PCDHA3: variants seen among roughly 807,000 people sequenced by gnomAD.
The protein encoded by PCDHA3 is protocadherin alpha-3.
Under a neutral mutation model 62.2 loss-of-function variants are expected in PCDHA3, and 41 were observed. The ratio of observed to expected loss-of-function variants is 0.66; its 90% confidence interval spans 0.51 to 0.86. The LOEUF is 0.86. Ranked by LOEUF, PCDHA3 falls within the 40% of genes least tolerant of loss-of-function variation. The pLI is 0.00. For missense variants in PCDHA3, 1,304 were observed against 1,241.2 expected (o/e 1.05, Z -0.76); for synonymous variants, 640 against 555.4 (o/e 1.15, Z -2.14).
At chr5:140,808,116 T>C in intron 1 of PCDHA3, 1 of 1,614,092 alleles carries the variant, frequency 6.2e-7, no homozygotes, top group African/African-American at 1.3e-5. Context: ...TATATTGACT[T>C]TGAAGAAAGC....
intron 1 of PCDHA3, chr5:140,835,978 A>G (rs1490395920): frequency 6.2e-7 from 1 of 1,613,260 alleles, no homozygotes; most frequent in African/African-American, 1.3e-5. Context: ...GAGCTGTTGC[A>G]GTTCCAGGTG....
intron 1 of PCDHA3, among the ~76,000 whole-genome samples, chr5:140,880,559 G>A (rs929072104): frequency 2.0e-5 from 3 of 152,224 alleles, no homozygotes; most frequent in Non-Finnish European, 4.4e-5. Context: ...TGGAAATGAG[G>A]TTGAGAATTT....
At chr5:140,827,212 TAAAGG>T (rs2150084173) in intron 1 of PCDHA3, among the ~76,000 whole-genome samples, 1 of 152,096 alleles carries the variant, frequency 6.6e-6, no homozygotes, top group Admixed American at 6.5e-5. Flanking sequence ...TGAGAACAAT[TAAAGG>T]AAAGGATATG....
chr5:140,883,227 T>C (rs1367769120), intron 1 of PCDHA3: 2 of 1,613,830 alleles, frequency 1.2e-6, no homozygotes, highest in African/African-American at 2.7e-5. Flanking sequence ...GAAATATCCG[T>C]GGAGGCAGTT....
intron 1 of PCDHA3, chr5:140,857,719 G>A (rs781995177): frequency 6.3e-7 from 1 of 1,597,526 alleles, no homozygotes. Flanking sequence ...TGCTGGACGA[G>A]AACGACAACG....
At chr5:140,873,791 G>A (rs1330097708) in intron 1 of PCDHA3, among the ~76,000 whole-genome samples, 1 of 152,152 alleles carries the variant, frequency 6.6e-6, no homozygotes, top group Non-Finnish European at 1.5e-5. Flanking sequence ...TTTCCGAGAA[G>A]CTGGGACTAC....
At chr5:140,893,768 CT>C (rs1171880038) in intron 1 of PCDHA3, among the ~76,000 whole-genome samples, 1 of 152,132 alleles carries the variant, frequency 6.6e-6, no homozygotes, top group Non-Finnish European at 1.5e-5. Flanking sequence ...TGACTTGTCA[CT>C]TTTCTTTTAC....
intron 1 of PCDHA3, among the ~76,000 whole-genome samples, chr5:140,907,888 C>G (rs1441879791): frequency 6.6e-6 from 1 of 152,234 alleles, no homozygotes; most frequent in Non-Finnish European, 1.5e-5. Flanking sequence ...ACATGGGATA[C>G]AAATATCTTC....
chr5:140,841,603 G>A (rs2150319062), intron 1 of PCDHA3: 34 of 1,614,038 alleles, frequency 2.1e-5, no homozygotes, highest in East Asian at 1.1e-4. Flanking sequence ...ACCGCGAGGA[G>A]CTGTGCGGGC....
At chr5:140,967,236 T>C (rs142898054) in intron 1 of PCDHA3, 53 of 1,613,562 alleles carry the variant, frequency 3.3e-5, no homozygotes, top group Non-Finnish European at 4.2e-5. Context: ...CAGCTTCAGG[T>C]AAGCGAATCG....
At chr5:140,840,854 C>T (rs2150309759) in intron 1 of PCDHA3, among the ~76,000 whole-genome samples, 10 of 151,908 alleles carry the variant, frequency 6.6e-5, no homozygotes, top group Admixed American at 2.6e-4. Flanking sequence ...TTCTTCCACA[C>T]GAAACTATGG....
chr5:140,967,955 A>C (rs1422637534), intron 1 of PCDHA3: 5 of 1,614,078 alleles, frequency 3.1e-6, no homozygotes, highest in Non-Finnish European at 4.2e-6. Flanking sequence ...CTCAGGCCCC[A>C]ACCGGAAAGT....
chr5:140,801,203 G>C lies in PCDHA3; in HGVS notation c.6G>C (p.Leu2Phe). Residue 2 changes from leucine (L) to phenylalanine (F), a missense_variant, in exon 1 of 4, where the codon TTG (leucine) becomes TTC (phenylalanine). Transcript: ENST00000522353. ...ATATTTGGAAAATACTTGCAATGTT[G>C]TTCTCCTGGCGAGAAGATCCTGGAG... is the stretch of plus-strand genomic sequence containing the variant. M[L>F]FSWREDPGAQ... 1 of 1,599,228 alleles carries C rather than the reference G, an allele frequency of 6.3e-7. No individual in the cohort carries two copies. The highest frequency in any genetic ancestry group is 1.1e-5 in the South Asian group (1 of 89,500).
intron 1 of PCDHA3, chr5:140,814,455 T>C (rs1190395244): frequency 1.3e-5 from 2 of 152,018 alleles, no homozygotes; most frequent in Admixed American, 6.6e-5. Context: ...TTTTCTTTTT[T>C]TTTTTTGAGT....
intron 1 of PCDHA3, chr5:140,821,766 C>G (rs1424332975): frequency 3.8e-6 from 6 of 1,592,294 alleles, no homozygotes; most frequent in Admixed American, 3.5e-5. Flanking sequence ...ATAATTGGAA[C>G]GAGATTGAGA....
intron 1 of PCDHA3, chr5:140,822,338 C>T (rs1440067593): frequency 1.9e-6 from 3 of 1,613,934 alleles, no homozygotes; most frequent in African/African-American, 1.3e-5. Flanking sequence ...GAAGAAGAAA[C>T]GAACTTTTTA....
At chr5:140,838,065 T>TTATA (rs144773480) in intron 1 of PCDHA3, among the ~76,000 whole-genome samples, 2 of 113,460 alleles carry the variant, frequency 1.8e-5, no homozygotes, top group Admixed American at 1.8e-4. Context: ...CCACTTTAAG[T>TTATA]TATATATATA....
chr5:140,927,349 G>A (rs782650880), intron 1 of PCDHA3: 3 of 1,614,016 alleles, frequency 1.9e-6, no homozygotes, highest in Admixed American at 1.7e-5. Context: ...AGATGACGAC[G>A]AGGGAAGCAA....
intron 1 of PCDHA3, among the ~76,000 whole-genome samples, chr5:140,972,662 T>A (rs1188844189): frequency 1.5e-4 from 8 of 54,766 alleles, no homozygotes; most frequent in African/African-American, 8.1e-4. Context: ...GAAACCAAAT[T>A]TTTTTTTTTT....
Sources: allele counts gnomAD v4.1 joint callset (sites outside exome capture counted in the v4.1 genomes callset), GRCh38; gene constraint gnomAD v4.1.1; transcripts MANE v1.5; gene names NCBI Gene and HGNC (gene_info 2026-07-23, HGNC 2026-07-21).